The following ANXA4 variants were observed in gnomAD, a reference collection of about 807,000 sequenced individuals.
The protein encoded by ANXA4 is annexin A4.
ANXA4 carries 39 observed loss-of-function variants against 49.8 expected under a neutral mutation model. The observed-to-expected ratio is 0.78, with a 90% confidence interval of 0.61 to 1.02. ANXA4 has a LOEUF of 1.02. Ranked by LOEUF, ANXA4 falls within the 50% of genes least tolerant of loss-of-function variation. The pLI is 0.00. For synonymous variants in ANXA4, 134 were observed against 152.5 expected, an observed-to-expected ratio of 0.88 and a Z score of 0.89; for missense variants, 360 against 410.1, an observed-to-expected ratio of 0.88 and a Z score of 1.05.
intron 3 of ANXA4, among the ~76,000 whole-genome samples, chr2:69,722,778 A>G (rs1301268715): frequency 1.3e-5 from 2 of 152,120 alleles, no homozygotes; most frequent in Admixed American, 1.3e-4. Context: ...TTTATGTTAT[A>G]TGTATTTAAC....
intron 1 of ANXA4, among the ~76,000 whole-genome samples, chr2:69,770,659 A>ACT (rs151122427): frequency 6.6e-6 from 1 of 151,640 alleles, no homozygotes; most frequent in Admixed American, 6.6e-5. Context: ...ACCCAGAGAA[A>ACT]CTCTCTCTCA....
At chr2:69,793,873 T>C (rs984830052) in intron 3 of ANXA4, among the ~76,000 whole-genome samples, 9 of 151,946 alleles carry the variant, frequency 5.9e-5, no homozygotes, top group Admixed American at 2.0e-4. Context: ...AAAAAAAAGT[T>C]TCCAGATTTA....
intron 2 of ANXA4, among the ~76,000 whole-genome samples, chr2:69,682,633 G>T (rs1463470895): frequency 6.6e-6 from 1 of 151,862 alleles, no homozygotes; most frequent in East Asian, 1.9e-4. Context: ...TTTTAATGTG[G>T]AATTGACTAA....
chr2:69,664,212 T>TG (rs1425719994), intron 2 of ANXA4, among the ~76,000 whole-genome samples: 1 of 152,180 alleles, frequency 6.6e-6, no homozygotes, highest in Admixed American at 6.5e-5. Context: ...TAGTAAAGCG[T>TG]GGGGGTAAAT....
At chr2:69,695,726 G>T (rs1678138746) in intron 2 of ANXA4, among the ~76,000 whole-genome samples, 1 of 152,164 alleles carries the variant, frequency 6.6e-6, no homozygotes, top group Non-Finnish European at 1.5e-5. Flanking sequence ...ATACCTCAGA[G>T]TTTATGTGGG....
At chr2:69,820,897 T>C in intron 12 of ANXA4, 76 bp downstream of exon 12, 1 of 1,474,516 alleles carries the variant, frequency 6.8e-7, no homozygotes, top group East Asian at 2.3e-5. Context: ...TAGCACTTGT[T>C]GTCCCCCTCT....
chr2:69,667,354 A>T (rs904859748), intron 2 of ANXA4, among the ~76,000 whole-genome samples: 1 of 152,166 alleles, frequency 6.6e-6, no homozygotes, highest in Non-Finnish European at 1.5e-5. Context: ...GAAAAAAAGA[A>T]AGAGATCCTT....
chr2:69,656,249 ATG>A (rs202180043), intron 2 of ANXA4, among the ~76,000 whole-genome samples: 27,927 of 133,694 alleles, frequency 0.21, 4,062 homozygotes, highest in East Asian at 0.36. Flanking sequence ...ACGTATATAT[ATG>A]TATATACGTA....
chr2:69,688,521 G>A (rs1677866441), intron 2 of ANXA4, among the ~76,000 whole-genome samples: 1 of 152,058 alleles, frequency 6.6e-6, no homozygotes, highest in Non-Finnish European at 1.5e-5. Context: ...ATTATTAGCT[G>A]GAATACTTTT....
chr2:69,662,246 C>G (rs1208184690), intron 2 of ANXA4, among the ~76,000 whole-genome samples: 4 of 152,176 alleles, frequency 2.6e-5, no homozygotes, highest in Non-Finnish European at 2.9e-5. Context: ...ATGGCAGGCT[C>G]AGGGTCAGAT....
intron 3 of ANXA4, among the ~76,000 whole-genome samples, chr2:69,722,514 C>T (rs773742713): frequency 1.5e-4 from 22 of 151,596 alleles, no homozygotes; most frequent in Admixed American, 9.9e-4. Context: ...ATAAGGCAGA[C>T]GCAAAAGGAC....
At chr2:69,797,936 A>G (rs1483271662) in intron 3 of ANXA4, among the ~76,000 whole-genome samples, 1 of 152,220 alleles carries the variant, frequency 6.6e-6, no homozygotes, top group Admixed American at 6.5e-5. Flanking sequence ...TGCTAGTGGA[A>G]TACCAGGCAG....
At chr2:69,825,213 C>G (rs1674420347) in intron 12 of ANXA4, among the ~76,000 whole-genome samples, 1 of 151,816 alleles carries the variant, frequency 6.6e-6, no homozygotes, top group African/African-American at 2.4e-5. Flanking sequence ...ACTGGAAGGA[C>G]ATTCACACAT....
chr2:69,807,276 T>A (rs1016328985), intron 5 of ANXA4, among the ~76,000 whole-genome samples: 3 of 152,156 alleles, frequency 2.0e-5, no homozygotes, highest in Admixed American at 1.3e-4. Context: ...TATGTAACTT[T>A]ATGACTGACA....
intron 9 of ANXA4, chr2:69,816,966 C>G (rs1191273631): frequency 6.6e-6 from 1 of 152,136 alleles, no homozygotes. Flanking sequence ...AGAAGTACAA[C>G]ACATTCTGAA....
In ANXA4 at chr2:69,820,812, G is replaced by A. The variant is rs376415476; in HGVS notation, c.897G>A (p.Ser299=). ...GACTCTATGGAAAGTCTCTGTACTC[G>A]TTCATCAAGGTAGGTCACAGCAGCC... ...FKRLYGKSLY[S]FIKGDTSGDY... Residue 299 remains serine, a synonymous_variant, in exon 12 of 13, where the codon TCG becomes TCA. Coordinates refer to ENST00000394295, the MANE Select transcript of ANXA4 (RefSeq NM_001153.5). 15 of 1,613,766 alleles carry A rather than the reference G, an allele frequency of 9.3e-6. No homozygotes were observed. The highest frequency in any genetic ancestry group is 4.5e-5 in the East Asian group (2 of 44,872).
intron 2 of ANXA4, among the ~76,000 whole-genome samples, chr2:69,694,905 C>T (rs1023731338): frequency 2.6e-5 from 4 of 152,040 alleles, no homozygotes; most frequent in Non-Finnish European, 4.4e-5. Flanking sequence ...GGATTACAGG[C>T]GTAAGCCACC....
chr2:69,749,141 C>G (rs1670740949), intron 1 of ANXA4, among the ~76,000 whole-genome samples: 1 of 152,080 alleles, frequency 6.6e-6, no homozygotes, highest in African/African-American at 2.4e-5. Flanking sequence ...CCTCTTGGGC[C>G]CACAGAACAG....
chr2:69,773,641 T>G (rs1309127724), intron 1 of ANXA4, among the ~76,000 whole-genome samples: 5 of 141,544 alleles, frequency 3.5e-5, no homozygotes, highest in Admixed American at 1.4e-4. Context: ...TTTTTTTTTT[T>G]TTTTGTTTTC....
Sources: gnomAD v4.1 joint callset for allele counts (sites outside exome capture counted in the v4.1 genomes callset) on GRCh38, gnomAD v4.1.1 for gene constraint, MANE v1.5 for transcripts, NCBI Gene and HGNC (gene_info 2026-07-23, HGNC 2026-07-21) for gene names.